Variants in CUBN observed in about 807,000 individuals in gnomAD.
The protein encoded by CUBN is 460 kDa receptor.
In CUBN, 282 loss-of-function variants were observed where a neutral mutation model predicts 405.3. The observed-to-expected ratio is 0.70, with a 90% confidence interval of 0.63 to 0.77. CUBN has a LOEUF of 0.77. Ranked by LOEUF, CUBN falls within the 30% of genes least tolerant of loss-of-function variation. The probability of loss-of-function intolerance (pLI) is 0.00; values close to 1 mark genes in which losing one functional copy is unlikely to be tolerated. For missense variants in CUBN, 4,514 were observed against 4,475.2 expected (o/e 1.01, Z -0.25); for synonymous variants, 1,684 against 1,617.0 (o/e 1.04, Z -0.99).
chr10:16,893,188 T>A (rs1002709656), intron 54 of CUBN, among the ~76,000 whole-genome samples: 1 of 152,220 alleles, frequency 6.6e-6, no homozygotes, highest in Admixed American at 6.5e-5. Flanking sequence ...TTATATTTTA[T>A]CATTCAACTA....
intron 27 of CUBN, among the ~76,000 whole-genome samples, chr10:17,022,389 T>G (rs985005289): frequency 6.6e-6 from 1 of 152,234 alleles, no homozygotes. Flanking sequence ...TCAGGCTTAC[T>G]GCTGTAGCTT....
At chr10:16,991,244 A>G (rs897611711) in intron 28 of CUBN, among the ~76,000 whole-genome samples, 1 of 152,210 alleles carries the variant, frequency 6.6e-6, no homozygotes, top group African/African-American at 2.4e-5. Context: ...GAGTCCTCAT[A>G]TGGGCTTTCC....
At chr10:16,851,167 T>A (rs1424476477) in intron 60 of CUBN, 68 bp downstream of exon 60, 27 of 1,301,100 alleles carry the variant, frequency 2.1e-5, no homozygotes, top group African/African-American at 4.4e-5. Context: ...TGTAACGATA[T>A]AAACTGGAAT....
At chr10:16,836,108 A>G (rs368734037) in intron 63 of CUBN, 127 bp downstream of exon 63, 311 of 901,688 alleles carry the variant, frequency 3.4e-4, no homozygotes, top group Middle Eastern at 1.2e-3. Context: ...TAAGAGAGGG[A>G]TGTGGTTTTT....
intron 59 of CUBN, among the ~76,000 whole-genome samples, chr10:16,865,900 C>G (rs554066860): frequency 6.6e-6 from 1 of 152,264 alleles, no homozygotes; most frequent in African/African-American, 2.4e-5. Flanking sequence ...ACACTCACCA[C>G]GAAGGTCCAT....
chr10:17,122,142 C>G (rs989041583), intron 6 of CUBN: 13 of 154,656 alleles, frequency 8.4e-5, no homozygotes, highest in African/African-American at 3.1e-4. Context: ...ATGCCTCACT[C>G]TGCTTAAAAA....
At chr10:17,059,988 G>A (rs1835468498) in intron 22 of CUBN, among the ~76,000 whole-genome samples, 1 of 152,182 alleles carries the variant, frequency 6.6e-6, no homozygotes, top group Admixed American at 6.5e-5. Context: ...TTAGAGAGGT[G>A]TAGATGAGAG....
chr10:16,932,430 A>G (rs1842387609), intron 40 of CUBN, among the ~76,000 whole-genome samples: 1 of 152,156 alleles, frequency 6.6e-6, no homozygotes, highest in South Asian at 2.1e-4. Flanking sequence ...CCAATTTTGT[A>G]TAAGGCATAC....
chr10:16,991,610 C>T (rs1281760823), intron 28 of CUBN, among the ~76,000 whole-genome samples: 1 of 146,938 alleles, frequency 6.8e-6, no homozygotes, highest in Admixed American at 6.9e-5. Context: ...TTGCTCTTAA[C>T]ATTTCTGGGC....
chr10:16,917,429 C>A (rs1841913915), intron 45 of CUBN, among the ~76,000 whole-genome samples: 1 of 152,000 alleles, frequency 6.6e-6, no homozygotes, highest in East Asian at 1.9e-4. Context: ...AAGAGATTAA[C>A]AACAATAACT....
At chr10:17,006,683 T>G (rs1448791756) in intron 28 of CUBN, among the ~76,000 whole-genome samples, 1 of 152,152 alleles carries the variant, frequency 6.6e-6, no homozygotes, top group African/African-American at 2.4e-5. Context: ...AGCCCTTTGG[T>G]ACAGTGCCTC....
chr10:16,869,975 G>A (rs1171285750), intron 58 of CUBN, 122 bp from the exon 59 acceptor site: 52 of 738,992 alleles, frequency 7.0e-5, no homozygotes, highest in Non-Finnish European at 1.2e-4. Context: ...AAACTCACTT[G>A]ATATGAAATA....
chr10:16,829,296 T>A (rs938932650), intron 65 of CUBN, among the ~76,000 whole-genome samples: 3 of 148,460 alleles, frequency 2.0e-5, no homozygotes, highest in Non-Finnish European at 4.4e-5. Context: ...CAGGGATAAC[T>A]TCCTCCAGGA....
intron 36 of CUBN, among the ~76,000 whole-genome samples, chr10:16,941,134 T>C (rs1842640752): frequency 2.0e-5 from 3 of 152,158 alleles, no homozygotes; most frequent in Admixed American, 2.0e-4. Context: ...CTACTCAAGA[T>C]AAAGTGGTAT....
chr10:16,912,360 T>G (rs115511812), intron 48 of CUBN, among the ~76,000 whole-genome samples: 2 of 152,164 alleles, frequency 1.3e-5, no homozygotes, highest in African/African-American at 4.8e-5. Flanking sequence ...TTATCTCTAT[T>G]ATGTACAGGC....
chr10:16,954,954 A>G (rs10752064), intron 31 of CUBN, among the ~76,000 whole-genome samples: 103,920 of 152,154 alleles, frequency 0.68, 36,138 homozygotes, highest in African/African-American at 0.82. Flanking sequence ...TCAGAATCCC[A>G]ACATTTGTTG....
chr10:17,039,116 A>G (rs373689879), intron 27 of CUBN, among the ~76,000 whole-genome samples: 1 of 152,116 alleles, frequency 6.6e-6, no homozygotes, highest in South Asian at 2.1e-4. Flanking sequence ...TTAAAGCCCA[A>G]TTCAAAAGCA....
intron 37 of CUBN, 84 bp from the exon 38 acceptor site, chr10:16,939,231 T>A: frequency 9.5e-7 from 1 of 1,054,324 alleles, no homozygotes; most frequent in Non-Finnish European, 1.5e-6. Flanking sequence ...CAAAGGGTGT[T>A]GAAAAGGATG....
rs145647391 is a variant in CUBN at position 16,835,126 on chromosome 10, T to C, written c.10250A>G (p.Asn3417Ser). 71 of 1,614,182 alleles carry C rather than the reference T, an allele frequency of 4.4e-5. No homozygotes were observed. In the African/African-American group the frequency reaches 6.3e-4, roughly 14 times the overall value. The change falls in exon 64 of 67, where the codon AAT becomes AGT. Residue 3417 changes from asparagine to serine, a missense_variant. Asn to Ser is a conservative substitution (Grantham distance 46). This residue lies in a region of CUBN where 1,186 missense variants were observed against 1,186.9 expected (regional missense o/e 1.00). Transcript: ENST00000377833. ...GAGAGTAACGGTGCAATCCTTGTCA[T>C]TGTCGTAGTTATCTGGCCATCCAGG... ...RSPGWPDNYD[N>S]DKDCTVTLTA...
Sources: allele counts gnomAD v4.1 joint callset (sites outside exome capture counted in the v4.1 genomes callset), GRCh38; gene constraint gnomAD v4.1.1; regional missense constraint gnomAD v4.1.1; transcripts MANE v1.5; gene names NCBI Gene and HGNC (gene_info 2026-07-23, HGNC 2026-07-21).